The following RIPOR3 variants were observed in gnomAD, a reference collection of about 807,000 sequenced individuals.
RIPOR3 encodes RIPOR family member 3, also known as family with sequence similarity 65 member C.
In RIPOR3, 95 loss-of-function variants were observed where a neutral mutation model predicts 114.3. The observed-to-expected ratio is 0.83, with a 90% CI of 0.70 to 0.99. RIPOR3 has a LOEUF of 0.99. RIPOR3 is among the 50% of genes least tolerant of loss of function. RIPOR3 has a pLI of 0.00. For synonymous variants in RIPOR3, 575 were observed against 543.8 expected, an observed-to-expected ratio of 1.06 and a Z score of -0.80; for missense variants, 1,252 against 1,266.9, an observed-to-expected ratio of 0.99 and a Z score of 0.18.
At position 50,596,217 on chromosome 20, in the gene RIPOR3, T is replaced by C; in HGVS notation, c.1837A>G (p.Arg613Gly). ...PPPSSLKASS[R>G]ELTAGAPELD... ...TCTGGGGCACCGGCTGTGAGTTCCC[T>C]GGATGACGCTTTCAGTGATGACGGT... Residue 613 changes from arginine to glycine, a missense_variant, in exon 15 of 22, where the codon AGG (arginine) becomes GGG (glycine). By Grantham distance (125) the Arg-to-Gly change is moderately radical. Coordinates refer to ENST00000327979, the MANE Select transcript of RIPOR3 (RefSeq NM_001290268.2). 2 of 1,614,190 alleles carry C rather than the reference T, an allele frequency of 1.2e-6. No individual in the cohort carries two copies. The highest frequency in any genetic ancestry group is 8.5e-7 in the Non-Finnish European group (1 of 1,180,042).
chr20:50,650,396 G>A (rs1014183620), intron 1 of RIPOR3, among the ~76,000 whole-genome samples: 1 of 151,934 alleles, frequency 6.6e-6, no homozygotes, highest in Admixed American at 6.6e-5. Flanking sequence ...TCCACCTCCC[G>A]GGCTCAAACA....
intron 1 of RIPOR3, among the ~76,000 whole-genome samples, chr20:50,641,651 C>A (rs2085201011): frequency 6.6e-6 from 1 of 152,208 alleles, no homozygotes. Context: ...GGGAATCTGT[C>A]CCCAGCCACC....
At chr20:50,636,640 C>T in intron 1 of RIPOR3, 1 of 985,670 alleles carries the variant, frequency 1.0e-6, no homozygotes, top group Non-Finnish European at 1.2e-6. Flanking sequence ...TCTCTCTGGC[C>T]TGGCACTTAG....
At position 50,691,335 on chromosome 20, in the gene RIPOR3, T is replaced by A. The variant is rs1250986240; in HGVS notation, c.-207A>T. On this transcript the variant is annotated 5_prime_UTR_variant, in exon 1 of 22. Transcript: ENST00000327979. ...CCTTGAGGACCTGCTGCGCCCCGAG[T>A]CTTCCTTCTGGTGCAGGGAGGCCGG... The A allele has an allele frequency of 8.1e-6, 4 of 496,160 alleles. No homozygotes were observed. Among genetic ancestry groups the A allele is most frequent in the South Asian group, 7.7e-5 (4 of 51,842 alleles). 30.7% of individuals were successfully genotyped at this position (496,160 alleles called of 1,614,324 possible). A position where few individuals can be genotyped will look rare whatever the true frequency, so the allele number is the denominator to read the frequency against.
chr20:50,598,831 G>A (rs1185930313), intron 13 of RIPOR3, among the ~76,000 whole-genome samples: 1 of 151,748 alleles, frequency 6.6e-6, no homozygotes. Flanking sequence ...CTTGACCCGG[G>A]GAGGCGGAGG....
In RIPOR3 at chr20:50,616,047, GT is replaced by G; in HGVS notation, c.302del (p.Asp101AlafsTer112). 2 of 1,611,978 alleles carry G rather than the reference GT, an allele frequency of 1.2e-6. No homozygotes were observed. Among genetic ancestry groups the G allele is most frequent in the Non-Finnish European group, 1.7e-6 (2 of 1,179,242 alleles). On this transcript the variant is annotated frameshift_variant, in exon 4 of 22. Coordinates refer to ENST00000327979, the MANE Select transcript of RIPOR3 (RefSeq NM_001290268.2). LOFTEE classifies it high-confidence loss of function. ...TGTCTTTGTGGCGTCCAGACAGGTG[GT>G]CCAGCTCAGCCTGCTGCACACACAG... ...EYLCVQQAELDHLSGRHKDTR... is the reference protein window; with the variant it reads ...EYLCVQQAELXHLSGRHKDTR...
intron 1 of RIPOR3, among the ~76,000 whole-genome samples, chr20:50,679,759 ACT>A (rs2086800911): frequency 9.3e-6 from 1 of 107,282 alleles, no homozygotes; most frequent in African/African-American, 3.2e-5. Flanking sequence ...ATAGAGTGAG[ACT>A]CTGTCTCAAA....
At chr20:50,614,735 T>C (rs1471749440) in intron 4 of RIPOR3, 1 of 169,590 alleles carries the variant, frequency 5.9e-6, no homozygotes, top group Non-Finnish European at 1.5e-5. Flanking sequence ...TACTTATACC[T>C]AAACAAATTT....
rs1336875883 is a variant in RIPOR3 at position 50,589,683 on chromosome 20, C to T, written c.2661+3G>A. The T allele has an allele frequency of 1.2e-6, 2 of 1,613,536 alleles. No homozygotes were observed. Among genetic ancestry groups the T allele is most frequent in the Admixed American group, 1.7e-5 (1 of 59,976 alleles). ...GCCACTAATGGGGAAACGTCAGGCT[C>T]ACCTTGAGGTGTTTGAGCGCTAGGC... On this transcript the variant is annotated splice_donor_region_variant and intron_variant, in intron 20 of 21. Coordinates refer to ENST00000327979, the MANE Select transcript of RIPOR3 (RefSeq NM_001290268.2).
chr20:50,671,485 A>T (rs550372930), intron 1 of RIPOR3, among the ~76,000 whole-genome samples: 1 of 152,296 alleles, frequency 6.6e-6, no homozygotes, highest in South Asian at 2.1e-4. Context: ...TCTTGCTTTG[A>T]CACAGCAAGC....
chr20:50,594,507 T>C (rs1330667838), intron 17 of RIPOR3, 46 bp downstream of exon 17: 4 of 1,591,866 alleles, frequency 2.5e-6, no homozygotes, highest in South Asian at 2.3e-5. Flanking sequence ...GGAGACTCAA[T>C]ACAGCCTTTC....
At chr20:50,610,427 G>A (rs1443710496) in intron 6 of RIPOR3, among the ~76,000 whole-genome samples, 1 of 152,168 alleles carries the variant, frequency 6.6e-6, no homozygotes, top group Non-Finnish European at 1.5e-5. Context: ...GGGGAGTAAA[G>A]CAAGATCATG....
rs567366898 is a variant in RIPOR3 at position 50,593,079 on chromosome 20, C to G, written c.2330G>C (p.Ser777Thr). 35 of 1,614,180 alleles carry G rather than the reference C, an allele frequency of 2.2e-5. 1 individual carries two copies. In the East Asian group the frequency reaches 7.1e-4, roughly 33 times the overall value. ...FQFHSYLQRQ[S>T]VSDLEKHFTQ... is the part of the protein sequence containing the mutation. ...GAAGTGCTTCTCCAGGTCAGAGACG[C>G]TCTGCCTCTGCAGGTAGCTGTGAAA... Residue 777 changes from serine to threonine, a missense_variant, in exon 18 of 22, where the codon AGC becomes ACC. Transcript: ENST00000327979.
chr20:50,678,306 G>T lies in RIPOR3; in HGVS notation c.3+12820C>A, dbSNP rs531949808. 2.6e-5 allele frequency among the ~76,000 whole-genome samples: 4 copies of T among 152,298 alleles called. No homozygotes were observed. In the East Asian group the frequency reaches 5.8e-4, roughly 22 times the overall value. On this transcript the variant is annotated intron_variant, in intron 1 of 21. Transcript: ENST00000327979. ...GGAACCTGGGGGCTGGGTGGCCTTG[G>T]CCCAACCCTCTGAAACTCACCCTGT...
At chr20:50,591,823 G>A (rs376145804) in intron 19 of RIPOR3, among the ~76,000 whole-genome samples, 19 of 152,348 alleles carry the variant, frequency 1.2e-4, no homozygotes, top group South Asian at 1.2e-3. Context: ...AAGGCTGGGC[G>A]CAGTGGCTCA....
rs370389293 is a variant in RIPOR3 at position 50,602,188 on chromosome 20, C to T, written c.1543G>A (p.Val515Met). ...ATGDREDGPG[V>M]ALEGPLQEVL... ...TCCTGCAGAGGCCCCTCGAGGGCCA[C>T]GCCAGGCCCGTCCTCTCTGTCCCCG... Residue 515 changes from valine to methionine, a missense_variant, in exon 13 of 22, where the codon GTG becomes ATG. Transcript: ENST00000327979. The surrounding 1 kb of genome is among the most constrained non-coding windows in gnomAD (Gnocchi z 4.3). 2.1e-5 allele frequency: 34 copies of T among 1,613,254 alleles called. No individual in the cohort carries two copies. The highest frequency in any genetic ancestry group is 2.0e-4 in the East Asian group (9 of 44,872).
intron 1 of RIPOR3, among the ~76,000 whole-genome samples, chr20:50,673,997 G>A (rs1482531809): frequency 1.3e-5 from 2 of 152,218 alleles, no homozygotes; most frequent in Admixed American, 1.3e-4. Flanking sequence ...ATGCACAGGA[G>A]TCATGCTGCT....
At chr20:50,644,002 C>G (rs564087965) in intron 1 of RIPOR3, among the ~76,000 whole-genome samples, 1 of 151,376 alleles carries the variant, frequency 6.6e-6, no homozygotes, top group African/African-American at 2.4e-5. Context: ...CGTGAGCCAC[C>G]GCACCCAGCT....
At chr20:50,599,940 G>A (rs1168015150) in intron 13 of RIPOR3, among the ~76,000 whole-genome samples, 1 of 151,818 alleles carries the variant, frequency 6.6e-6, no homozygotes, top group Non-Finnish European at 1.5e-5. Context: ...TCGCTCTGTT[G>A]CCCAGGCTGG....
Sources: allele counts gnomAD v4.1 joint callset (sites outside exome capture counted in the v4.1 genomes callset), GRCh38; gene constraint gnomAD v4.1.1; non-coding constraint Gnocchi (gnomAD v3.1); transcripts MANE v1.5; gene names NCBI Gene and HGNC (gene_info 2026-07-23, HGNC 2026-07-21).